MAOB: variants seen among roughly 807,000 people sequenced by gnomAD.
MAOB encodes amine oxidase [flavin-containing] B.
MAOB carries 15 observed loss-of-function variants against 41.9 expected under a neutral mutation model. The ratio of observed to expected loss-of-function variants is 0.36; its 90% CI spans 0.24 to 0.55. MAOB has a LOEUF of 0.55. MAOB is among the 20% of genes least tolerant of loss of function. The pLI is 0.86. For synonymous variants in MAOB, 167 were observed against 144.2 expected (o/e 1.16, Z -1.13); for missense variants, 345 against 398.7 (o/e 0.87, Z 1.15).
intron 3 of MAOB, among the ~76,000 whole-genome samples, chrX:43,824,121 T>A: frequency 8.9e-6 from 1 of 112,010 alleles, no homozygotes; most frequent in Admixed American, 9.5e-5. Flanking sequence ...CATATGTACA[T>A]GAGTTTGAAT....
chrX:43,847,680 ACTAT>A (rs2035217551), intron 1 of MAOB, among the ~76,000 whole-genome samples: 1 of 112,437 alleles, frequency 8.9e-6, no homozygotes. Flanking sequence ...AAAACATTCT[ACTAT>A]CTGACTAAAT....
intron 1 of MAOB, among the ~76,000 whole-genome samples, chrX:43,869,036 G>A (rs2035383799): frequency 9.0e-6 from 1 of 111,491 alleles, no homozygotes; most frequent in African/African-American, 3.3e-5. Context: ...GTAAATATAT[G>A]AGGCTGAATC....
chrX:43,819,095 G>A (rs746201814), intron 3 of MAOB, among the ~76,000 whole-genome samples: 12 of 111,713 alleles, frequency 1.1e-4, no homozygotes, highest in Admixed American at 1.9e-4. Context: ...GGCAAGGTCC[G>A]CAAAAGCCCC....
At chrX:43,852,408 A>G (rs759444092) in intron 1 of MAOB, among the ~76,000 whole-genome samples, 3 of 112,560 alleles carry the variant, frequency 2.7e-5, no homozygotes, top group African/African-American at 9.7e-5. Context: ...ATTAGGGATG[A>G]AATGTCATGA....
At chrX:43,788,050 A>G (rs189425450) in intron 8 of MAOB, among the ~76,000 whole-genome samples, 27 of 111,510 alleles carry the variant, frequency 2.4e-4, no homozygotes, top group Admixed American at 1.2e-3. Flanking sequence ...TCATGGTTCT[A>G]CAGGCTGTAC....
intron 3 of MAOB, among the ~76,000 whole-genome samples, chrX:43,822,232 C>T (rs975133558): frequency 8.9e-6 from 1 of 112,294 alleles, no homozygotes; most frequent in African/African-American, 3.2e-5. Flanking sequence ...AATGATGATT[C>T]ACTTAGATGA....
chrX:43,820,545 T>C (rs1206538421), intron 3 of MAOB, among the ~76,000 whole-genome samples: 1 of 111,924 alleles, frequency 8.9e-6, no homozygotes, highest in Non-Finnish European at 1.9e-5. Flanking sequence ...ACCATAATCA[T>C]CGCAAACTCT....
intron 5 of MAOB, among the ~76,000 whole-genome samples, chrX:43,800,596 A>G (rs1447209591): frequency 9.0e-6 from 1 of 111,299 alleles, no homozygotes; most frequent in Non-Finnish European, 1.9e-5. Context: ...AAAGATGTTT[A>G]TTATAGAGTA....
intron 1 of MAOB, among the ~76,000 whole-genome samples, chrX:43,860,470 C>T (rs1397957303): frequency 9.0e-6 from 1 of 111,491 alleles, no homozygotes; most frequent in Admixed American, 9.6e-5. Context: ...TTCCTGACCA[C>T]TCTGGCCTCC....
At position 43,852,097 on chromosome X, in the gene MAOB, A is replaced by G. The variant is rs756470695; in HGVS notation, c.47-8333T>C. Among the ~76,000 whole-genome samples the G allele has an allele frequency of 8.0e-5, 9 of 112,103 alleles. No individual in the cohort carries two copies. In the South Asian group the frequency reaches 1.9e-3, roughly 23 times the overall value. On this transcript the variant is annotated intron_variant, in intron 1 of 14. Transcript: ENST00000378069. ...TCCTGGCTGCATAACCTCAGACAAG[A>G]GTCCCCACCTTTCTGGGACTCACTT...
At chrX:43,870,715 A>G (rs1389425065) in intron 1 of MAOB, among the ~76,000 whole-genome samples, 2 of 104,163 alleles carry the variant, frequency 1.9e-5, no homozygotes, top group African/African-American at 7.1e-5. Context: ...GAATGGCATG[A>G]ACCCGGGAGG....
At chrX:43,860,836 C>T (rs1341503502) in intron 1 of MAOB, among the ~76,000 whole-genome samples, 2 of 111,008 alleles carry the variant, frequency 1.8e-5, no homozygotes, top group East Asian at 2.8e-4. Flanking sequence ...TCTTTCTGTT[C>T]CTTGAAAATG....
chrX:43,862,951 T>C (rs1329664195), intron 1 of MAOB, among the ~76,000 whole-genome samples: 1 of 111,140 alleles, frequency 9.0e-6, no homozygotes, highest in African/African-American at 3.3e-5. Flanking sequence ...AAATGAAAAA[T>C]AACCATTTTT....
intron 5 of MAOB, among the ~76,000 whole-genome samples, chrX:43,800,052 A>T (rs754949055): frequency 8.9e-6 from 1 of 111,951 alleles, no homozygotes; most frequent in African/African-American, 3.2e-5. Context: ...GGATTACTTC[A>T]TTTAAATCCA....
intron 1 of MAOB, among the ~76,000 whole-genome samples, chrX:43,859,215 G>A (rs749187619): frequency 3.6e-5 from 4 of 110,957 alleles, no homozygotes; most frequent in Non-Finnish European, 7.6e-5. Flanking sequence ...CTGCTCAGTC[G>A]CCCCAAATCA....
intron 3 of MAOB, among the ~76,000 whole-genome samples, chrX:43,817,892 T>C (rs111632504): frequency 0.031 from 3,464 of 112,277 alleles, 81 homozygotes; most frequent in Non-Finnish European, 0.043. Flanking sequence ...CATTTGTTCA[T>C]ATATATATAC....
intron 1 of MAOB, among the ~76,000 whole-genome samples, chrX:43,868,049 C>T (rs1240564334): frequency 8.9e-6 from 1 of 111,943 alleles, no homozygotes; most frequent in Non-Finnish European, 1.9e-5. Flanking sequence ...TCACTAATGC[C>T]TTTAATTTTA....
chrX:43,872,920 T>C (rs2035417162), intron 1 of MAOB, among the ~76,000 whole-genome samples: 1 of 112,357 alleles, frequency 8.9e-6, no homozygotes, highest in Admixed American at 9.4e-5. Context: ...CAAATGTTTA[T>C]TATTTCTGCA....
intron 3 of MAOB, among the ~76,000 whole-genome samples, chrX:43,826,082 G>A (rs1162619301): frequency 8.9e-6 from 1 of 112,196 alleles, no homozygotes; most frequent in Admixed American, 9.4e-5. Context: ...ATCCTCCCCA[G>A]ATAACACATA....
Sources: allele counts gnomAD v4.1 joint callset (sites outside exome capture counted in the v4.1 genomes callset), GRCh38; gene constraint gnomAD v4.1.1; transcripts MANE v1.5; gene names NCBI Gene and HGNC (gene_info 2026-07-23, HGNC 2026-07-21).